The following PPM1E variants were observed in gnomAD, a reference collection of about 807,000 sequenced individuals.
The protein encoded by PPM1E is protein phosphatase, Mg2+/Mn2+ dependent 1E.
A neutral mutation model predicts 65.9 loss-of-function variants in PPM1E; 20 were observed. That is an observed-to-expected ratio of 0.30 (90% CI 0.21 to 0.44). The LOEUF (loss-of-function observed/expected upper bound fraction) is 0.44. Ranked by LOEUF, PPM1E falls within the 20% of genes least tolerant of loss-of-function variation. The pLI, the probability that PPM1E is intolerant of heterozygous loss-of-function variation, is 1.00. For synonymous variants in PPM1E, 352 were observed against 374.9 expected (o/e 0.94, Z 0.70); for missense variants, 713 against 953.1 (o/e 0.75, Z 3.32).
chr17:58,874,825 A>G (rs1031958752), intron 1 of PPM1E, among the ~76,000 whole-genome samples: 24 of 152,318 alleles, frequency 1.6e-4, no homozygotes, highest in Admixed American at 5.2e-4. Flanking sequence ...TGTGATGAAT[A>G]TTATATTTAA....
chr17:58,796,337 G>T (rs1157446502), intron 1 of PPM1E, among the ~76,000 whole-genome samples: 1 of 152,140 alleles, frequency 6.6e-6, no homozygotes, highest in Non-Finnish European at 1.5e-5. Context: ...GAGCCATCCT[G>T]CCCGGCTTGG....
chr17:58,952,347 G>C (rs183513407), intron 1 of PPM1E, among the ~76,000 whole-genome samples: 78 of 152,278 alleles, frequency 5.1e-4, no homozygotes, highest in Non-Finnish European at 9.7e-4. Context: ...TGACAGCCTG[G>C]GGTGGGACCT....
At chr17:58,777,534 GT>G (rs2144195735) in intron 1 of PPM1E, among the ~76,000 whole-genome samples, 2 of 152,164 alleles carry the variant, frequency 1.3e-5, no homozygotes, top group African/African-American at 4.8e-5. Flanking sequence ...CTTACCCAAG[GT>G]GTTTAAGTGT....
intron 1 of PPM1E, among the ~76,000 whole-genome samples, chr17:58,794,100 C>T (rs2050183403): frequency 6.6e-6 from 1 of 152,180 alleles, no homozygotes; most frequent in Non-Finnish European, 1.5e-5. Flanking sequence ...CCTGCCACCA[C>T]ACCTGGCTAA....
At chr17:58,919,766 G>A (rs1036588330) in intron 1 of PPM1E, among the ~76,000 whole-genome samples, 2 of 151,852 alleles carry the variant, frequency 1.3e-5, no homozygotes, top group African/African-American at 2.4e-5. Context: ...CAGCCTGAAC[G>A]ACAAGAATGA....
At chr17:58,944,602 C>T (rs1320579401) in intron 1 of PPM1E, among the ~76,000 whole-genome samples, 1 of 152,064 alleles carries the variant, frequency 6.6e-6, no homozygotes, top group Non-Finnish European at 1.5e-5. Context: ...AATAAGTGGT[C>T]TTTGTGACTG....
At chr17:58,767,676 CT>C (rs2049894415) in intron 1 of PPM1E, among the ~76,000 whole-genome samples, 1 of 152,068 alleles carries the variant, frequency 6.6e-6, no homozygotes, top group African/African-American at 2.4e-5. Flanking sequence ...GAGTTTCGCT[CT>C]TGTTGCTCAG....
At chr17:58,762,887 G>A (rs1320098266) in intron 1 of PPM1E, among the ~76,000 whole-genome samples, 3 of 137,174 alleles carry the variant, frequency 2.2e-5, no homozygotes, top group African/African-American at 8.3e-5. Context: ...GACAGAGCGA[G>A]ACTCCGTCTC....
intron 1 of PPM1E, among the ~76,000 whole-genome samples, chr17:58,784,499 C>A (rs1016031412): frequency 6.8e-6 from 1 of 147,260 alleles, no homozygotes; most frequent in Admixed American, 6.8e-5. Flanking sequence ...TCCTCCCCCC[C>A]ACCACTTTTT....
At chr17:58,836,671 G>A (rs191282740) in intron 1 of PPM1E, among the ~76,000 whole-genome samples, 2 of 150,482 alleles carry the variant, frequency 1.3e-5, no homozygotes, top group Admixed American at 1.3e-4. Context: ...CACCATATTG[G>A]TCAGGCTGGT....
intron 1 of PPM1E, among the ~76,000 whole-genome samples, chr17:58,769,969 G>T (rs926024343): frequency 1.3e-5 from 2 of 152,130 alleles, no homozygotes; most frequent in African/African-American, 4.8e-5. Flanking sequence ...GGAGGTTATA[G>T]TGAACTGAGA....
intron 2 of PPM1E, among the ~76,000 whole-genome samples, chr17:58,958,325 C>G (rs893842390): frequency 6.6e-6 from 1 of 151,846 alleles, no homozygotes; most frequent in African/African-American, 2.4e-5. Context: ...ATCCTCACAC[C>G]TCAGCCTCAT....
intron 1 of PPM1E, among the ~76,000 whole-genome samples, chr17:58,812,043 T>C (rs907986764): frequency 6.6e-6 from 1 of 152,052 alleles, no homozygotes; most frequent in African/African-American, 2.4e-5. Context: ...AAAAAATATA[T>C]AAGACCTTGC....
chr17:58,811,299 C>T (rs138893489), intron 1 of PPM1E, among the ~76,000 whole-genome samples: 3 of 152,074 alleles, frequency 2.0e-5, no homozygotes, highest in East Asian at 1.9e-4. Flanking sequence ...CTGGAATGGA[C>T]GGTGTTAAAT....
chr17:58,846,137 G>A (rs185996817), intron 1 of PPM1E, among the ~76,000 whole-genome samples: 18 of 152,256 alleles, frequency 1.2e-4, no homozygotes, highest in African/African-American at 3.9e-4. Context: ...GATTATAAAT[G>A]TATAAGTATC....
At chr17:58,924,519 C>T (rs1438724275) in intron 1 of PPM1E, among the ~76,000 whole-genome samples, 2 of 152,072 alleles carry the variant, frequency 1.3e-5, no homozygotes, top group East Asian at 3.9e-4. Context: ...CCACTGCACT[C>T]TAACCTGGGC....
chr17:58,791,681 T>C lies in PPM1E; in HGVS notation c.464+35220T>C, dbSNP rs2050159000. On this transcript the variant is annotated intron_variant, in intron 1 of 6. Transcript: ENST00000308249. ...GGATCGATGTGAATAGGGCAGTATT[T>C]TCCTGCCAGAGGTTATAGGTGATGC... Among the ~76,000 whole-genome samples, 3 of 152,200 alleles carry C rather than the reference T, an allele frequency of 2.0e-5. No individual in the cohort carries two copies. In the South Asian group the frequency reaches 6.2e-4, roughly 31 times the overall value.
At chr17:58,825,182 A>T (rs1317746033) in intron 1 of PPM1E, among the ~76,000 whole-genome samples, 1 of 151,450 alleles carries the variant, frequency 6.6e-6, no homozygotes, top group Non-Finnish European at 1.5e-5. Flanking sequence ...AAACTAAAAT[A>T]AAAAAAAGAA....
rs577581683 is a variant in PPM1E, at chr17:58,798,235, T to G, written c.464+41774T>G. Reference sequence around the variant, plus strand: ...GTGAATTACGTTTTTTGTTTGTTTTTTTTTTTTTTTTGAGACGAAGTCTCG... The same window carrying G: ...GTGAATTACGTTTTTTGTTTGTTTTGTTTTTTTTTTTGAGACGAAGTCTCG... On this transcript the variant is annotated intron_variant, in intron 1 of 6. Coordinates refer to ENST00000308249, the MANE Select transcript of PPM1E (RefSeq NM_014906.5). Among the ~76,000 whole-genome samples, 19 of 150,684 alleles carry G rather than the reference T, an allele frequency of 1.3e-4. 1 individual carries two copies. In the South Asian group the frequency reaches 3.8e-3, roughly 30 times the overall value.
Sources: allele counts gnomAD v4.1 joint callset (sites outside exome capture counted in the v4.1 genomes callset), GRCh38; gene constraint gnomAD v4.1.1; transcripts MANE v1.5; gene names NCBI Gene and HGNC (gene_info 2026-07-23, HGNC 2026-07-21).